Variants in NAV2 observed in about 807,000 individuals in gnomAD.
The protein encoded by NAV2 is helicase, APC down-regulated 1.
Under a neutral mutation model 223.2 loss-of-function variants are expected in NAV2, and 54 were observed. The observed-to-expected ratio is 0.24, with a 90% confidence interval of 0.19 to 0.30. The LOEUF (loss-of-function observed/expected upper bound fraction) is 0.30. Among genes scored for constraint, NAV2 ranks in the 10% least tolerant of loss-of-function variants. The probability of loss-of-function intolerance (pLI) is 1.00; values close to 1 mark genes in which losing one functional copy is unlikely to be tolerated. For synonymous variants in NAV2, 1,279 were observed against 1,239.3 expected (o/e 1.03, Z -0.67); for missense variants, 2,806 against 3,147.5 (o/e 0.89, Z 2.60).
At chr11:19,353,416 T>C (rs1305292676) in intron 1 of NAV2, among the ~76,000 whole-genome samples, 2 of 152,174 alleles carry the variant, frequency 1.3e-5, no homozygotes, top group Admixed American at 6.5e-5. Context: ...GGTACGTGCA[T>C]ATACCTTCTG....
At chr11:19,494,592 C>T (rs978129984) in intron 1 of NAV2, among the ~76,000 whole-genome samples, 25 of 152,174 alleles carry the variant, frequency 1.6e-4, no homozygotes, top group African/African-American at 5.3e-4. Context: ...AACTTGTGAT[C>T]TAAATGTAGA....
At chr11:20,033,018 C>T (rs2055934699) in intron 11 of NAV2, among the ~76,000 whole-genome samples, 1 of 152,200 alleles carries the variant, frequency 6.6e-6, no homozygotes, top group South Asian at 2.1e-4. Flanking sequence ...AATAGTTTGG[C>T]ATGTGGCACA....
chr11:20,081,305 T>G (rs1028013241), intron 25 of NAV2, among the ~76,000 whole-genome samples: 5 of 152,260 alleles, frequency 3.3e-5, no homozygotes, highest in Admixed American at 2.6e-4. Context: ...TTAATTCATA[T>G]TGCTGTCTCT....
intron 5 of NAV2, 72 bp from the exon 6 acceptor site, chr11:19,892,362 G>T (rs2041573899): frequency 1.3e-5 from 18 of 1,439,974 alleles, no homozygotes; most frequent in Non-Finnish European, 1.6e-5. Context: ...CTGCATGGTT[G>T]CAGTTCCTTC....
intron 1 of NAV2, among the ~76,000 whole-genome samples, chr11:19,577,024 G>T (rs1343336462): frequency 6.6e-6 from 1 of 152,186 alleles, no homozygotes; most frequent in Non-Finnish European, 1.5e-5. Context: ...TTACTTCAAG[G>T]AATCCCTGGG....
intron 1 of NAV2, among the ~76,000 whole-genome samples, chr11:19,494,836 C>T (rs1246075587): frequency 2.0e-5 from 3 of 152,200 alleles, no homozygotes; most frequent in Non-Finnish European, 4.4e-5. Context: ...CTTTGGGGCT[C>T]CACTACCCTC....
chr11:19,564,197 AG>A (rs1565053870), intron 1 of NAV2, among the ~76,000 whole-genome samples: 1 of 152,244 alleles, frequency 6.6e-6, no homozygotes, highest in African/African-American at 2.4e-5. Context: ...AGCCACCAGC[AG>A]GGGGAAGCAT....
intron 1 of NAV2, among the ~76,000 whole-genome samples, chr11:19,515,902 G>A (rs1214418227): frequency 2.6e-5 from 4 of 152,232 alleles, no homozygotes; most frequent in Non-Finnish European, 5.9e-5. Context: ...TTGATTCCAA[G>A]TGTTTCAGCC....
intron 4 of NAV2, among the ~76,000 whole-genome samples, chr11:19,878,728 C>A (rs993831825): frequency 1.3e-5 from 2 of 152,134 alleles, no homozygotes; most frequent in Admixed American, 1.3e-4. Flanking sequence ...ACTGGCAGGG[C>A]GCACTTCCTC....
In NAV2 at chr11:19,937,357, C is replaced by CG. The variant is rs200692469; in HGVS notation, c.2034-2304_2034-2303insG. Among the ~76,000 whole-genome samples the CG allele has an allele frequency of 1.6e-4, 24 of 151,362 alleles. No homozygotes were observed. In the South Asian group the frequency reaches 1.7e-3, roughly 11 times the overall value. On this transcript the variant is annotated intron_variant, in intron 7 of 37. Coordinates refer to ENST00000349880, the MANE Select transcript of NAV2 (RefSeq NM_145117.5). ...ATATATAACTTATAATTGCTCCCCCCCCGCCCACCAAAACCTCTCCATGTT... is the reference window on the plus strand; with the variant it reads ...ATATATAACTTATAATTGCTCCCCCCGCCGCCCACCAAAACCTCTCCATGTT...
At chr11:19,414,323 C>T (rs1850273725) in intron 1 of NAV2, among the ~76,000 whole-genome samples, 1 of 152,008 alleles carries the variant, frequency 6.6e-6, no homozygotes, top group African/African-American at 2.4e-5. Flanking sequence ...GACTTTAAAC[C>T]AACAAAGATC....
chr11:19,998,102 A>G lies in NAV2; in HGVS notation c.2768+13855A>G, dbSNP rs974140488. On this transcript the variant is annotated intron_variant, in intron 11 of 37. Transcript: ENST00000349880. The surrounding 1 kb of genome is among the most constrained non-coding windows in gnomAD (Gnocchi z 5.0). ...GCTTTGCACAGAGCTGGGCATATACAGTAGGAGACGTTTGCTATATTTTAG... is the reference window on the plus strand; with the variant it reads ...GCTTTGCACAGAGCTGGGCATATACGGTAGGAGACGTTTGCTATATTTTAG... Among the ~76,000 whole-genome samples, 13 of 151,724 alleles carry G rather than the reference A, an allele frequency of 8.6e-5. No homozygotes were observed. The highest frequency in any genetic ancestry group is 1.6e-4 in the Non-Finnish European group (11 of 67,866).
In NAV2 at chr11:19,713,627, C is replaced by T; in HGVS notation, c.-69C>T. 1 of 1,480,886 alleles carries T rather than the reference C, an allele frequency of 6.8e-7. No individual in the cohort carries two copies. Among genetic ancestry groups the T allele is most frequent in the African/African-American group, 1.4e-5 (1 of 70,334 alleles). 91.7% of individuals were successfully genotyped at this position (1,480,886 alleles called of 1,614,324 possible). ...CCCGGCGCCTGCTCTGCTACCCGCG[C>T]TGCCTTTAGCGGTCGCCCCCGCCGC... On this transcript the variant is annotated 5_prime_UTR_variant, in exon 1 of 38. Coordinates refer to ENST00000349880, the MANE Select transcript of NAV2 (RefSeq NM_145117.5). The surrounding 1 kb of genome is among the most constrained non-coding windows in gnomAD (Gnocchi z 7.2).
chr11:19,828,906 C>G (rs1034586363), intron 1 of NAV2, among the ~76,000 whole-genome samples: 1 of 152,224 alleles, frequency 6.6e-6, no homozygotes, highest in Non-Finnish European at 1.5e-5. Context: ...TCCAACCACT[C>G]TATCCTGTAG....
intron 1 of NAV2, among the ~76,000 whole-genome samples, chr11:19,696,556 A>G (rs1290231367): frequency 1.3e-5 from 2 of 152,348 alleles, no homozygotes; most frequent in Non-Finnish European, 2.9e-5. Flanking sequence ...CTCACAGTGG[A>G]GTCCTCAGCC....
At chr11:20,102,385 C>T (rs1186115406) in intron 32 of NAV2, among the ~76,000 whole-genome samples, 2 of 152,158 alleles carry the variant, frequency 1.3e-5, no homozygotes, top group Non-Finnish European at 2.9e-5. Flanking sequence ...GTGGTGAAGA[C>T]ACAGACTGGG....
At chr11:19,461,964 C>A (rs1199013854) in intron 1 of NAV2, among the ~76,000 whole-genome samples, 3 of 152,162 alleles carry the variant, frequency 2.0e-5, no homozygotes, top group African/African-American at 7.2e-5. Flanking sequence ...CGCCATCACA[C>A]CTGGCTAATT....
In NAV2 at chr11:19,933,722, A is replaced by C; in HGVS notation, c.1478A>C (p.Gln493Pro). The change falls in exon 7 of 38, where the codon CAG becomes CCG. Residue 493 changes from glutamine (Q) to proline (P), a missense_variant. Transcript: ENST00000349880. The surrounding 1 kb of genome is among the most constrained non-coding windows in gnomAD (Gnocchi z 4.3). ...KGNEKEKEKQ[Q>P]REKDKEKSKD... ...AATGAGAAAGAGAAGGAGAAACAAC[A>C]GCGGGAGAAGGATAAGGAGAAAAGC... is the stretch of plus-strand genomic sequence containing the variant. 6.2e-7 allele frequency: 1 copy of C among 1,614,204 alleles called. No individual in the cohort carries two copies. Among genetic ancestry groups the C allele is most frequent in the East Asian group, 2.2e-5 (1 of 44,876 alleles).
At chr11:20,017,116 A>C (rs1412949851) in intron 11 of NAV2, among the ~76,000 whole-genome samples, 1 of 152,208 alleles carries the variant, frequency 6.6e-6, no homozygotes, top group Non-Finnish European at 1.5e-5. Context: ...GAGGAAGTGG[A>C]AAAGGAATGG....
Sources: gnomAD v4.1 joint callset for allele counts (sites outside exome capture counted in the v4.1 genomes callset) on GRCh38, gnomAD v4.1.1 for gene constraint, Gnocchi (gnomAD v3.1) non-coding constraint, MANE v1.5 for transcripts, NCBI Gene and HGNC (gene_info 2026-07-23, HGNC 2026-07-21) for gene names.